The following SIVA1 variants were observed in gnomAD, a reference collection of about 807,000 sequenced individuals.
SIVA1 encodes the protein apoptosis regulatory protein Siva.
A neutral mutation model predicts 19.7 loss-of-function variants in SIVA1; 10 were observed. The ratio of observed to expected loss-of-function variants is 0.51; its 90% CI spans 0.31 to 0.86. The LOEUF (loss-of-function observed/expected upper bound fraction) is 0.86, where lower values mean the gene tolerates loss of function less well. SIVA1 is among the 40% of genes least tolerant of loss of function. SIVA1 has a pLI of 0.04. For synonymous variants in SIVA1, 130 were observed against 106.1 expected (o/e 1.23, Z -1.39); for missense variants, 241 against 245.2 (o/e 0.98, Z 0.11).
chr14:104,756,645 C>A lies in SIVA1; in HGVS notation c.355C>A (p.Arg119=), dbSNP rs550067740. Reference sequence around the variant, plus strand: ...GTCCATTGCCTGTTCCTCATGCGTGCGAGCCGTGGATGGGAAGGCGGTCTG... The same window carrying A: ...GTCCATTGCCTGTTCCTCATGCGTGAGAGCCGTGGATGGGAAGGCGGTCTG... ...VASIACSSCV[R]AVDGKAVCGQ... is the part of the protein sequence containing the mutation. The change falls in exon 3 of 4, where the codon CGA becomes AGA. Residue 119 remains arginine (R), a synonymous_variant. Coordinates refer to ENST00000329967, the MANE Select transcript of SIVA1 (RefSeq NM_006427.4). 1 of 1,614,204 alleles carries A rather than the reference C, an allele frequency of 6.2e-7. No individual in the cohort carries two copies. Among genetic ancestry groups the A allele is most frequent in the Non-Finnish European group, 8.5e-7 (1 of 1,180,036 alleles).
intron 3 of SIVA1, chr14:104,757,653 A>C (rs1273581782): frequency 1.3e-5 from 2 of 153,250 alleles, no homozygotes; most frequent in African/African-American, 2.4e-5. Context: ...AATGTGGGAT[A>C]CTCTGTCTTT....
chr14:104,755,537 TG>T (rs1453068164), intron 1 of SIVA1, 92 bp from the exon 2 acceptor site: 1 of 1,146,134 alleles, frequency 8.7e-7, no homozygotes, highest in African/African-American at 1.6e-5. Context: ...AGGAGGACGA[TG>T]GGGTTCATGT....
At chr14:104,756,047 A>G (rs1891876671) in intron 2 of SIVA1, 1 of 668,528 alleles carries the variant, frequency 1.5e-6, no homozygotes, top group Non-Finnish European at 2.7e-6. Context: ...AAAGCAGCAG[A>G]GACTCCCCGG....
chr14:104,756,782 G>T (rs757148388), intron 3 of SIVA1, 22 bp downstream of exon 3: 11 of 1,593,436 alleles, frequency 6.9e-6, no homozygotes, highest in Non-Finnish European at 9.4e-6. Flanking sequence ...AGTCCCTGGA[G>T]CTGCTGAGAT....
chr14:104,753,738 A>G, intron 1 of SIVA1: 2 of 452,736 alleles, frequency 4.4e-6, no homozygotes, highest in South Asian at 3.1e-5. Flanking sequence ...CCCAAGAGGT[A>G]TTCATGGAGC....
intron 1 of SIVA1, among the ~76,000 whole-genome samples, chr14:104,754,670 A>G (rs975108639): frequency 2.6e-5 from 4 of 152,144 alleles, no homozygotes; most frequent in African/African-American, 9.7e-5. Context: ...TCCAAATTCC[A>G]GGCCACAGCT....
At chr14:104,755,110 C>G (rs1891840475) in intron 1 of SIVA1, among the ~76,000 whole-genome samples, 1 of 152,182 alleles carries the variant, frequency 6.6e-6, no homozygotes, top group Non-Finnish European at 1.5e-5. Flanking sequence ...AACTCTGTAG[C>G]AGGTGAAGGG....
rs1032294130 is a variant in SIVA1, at chr14:104,759,466, G to A, written c.509G>A (p.Cys170Tyr). 1 of 1,612,290 alleles carries A rather than the reference G, an allele frequency of 6.2e-7. No individual in the cohort carries two copies. Among genetic ancestry groups the A allele is most frequent in the Non-Finnish European group, 8.5e-7 (1 of 1,179,918 alleles). ...DMYEKVLCTS[C>Y]AMFET ...TACGAGAAAGTGCTGTGCACCAGCT[G>A]TGCCATGTTCGAGACCTGAGGCTGG... is the stretch of plus-strand genomic sequence containing the variant. The change falls in exon 4 of 4, where the codon TGT (cysteine) becomes TAT (tyrosine). Residue 170 changes from cysteine (C) to tyrosine (Y), a missense_variant. Coordinates refer to ENST00000329967, the MANE Select transcript of SIVA1 (RefSeq NM_006427.4). This position sits in a 1 kb window ranked among gnomAD's most constrained non-coding sequence, Gnocchi z 4.2.
chr14:104,757,078 C>T (rs1891916858), intron 3 of SIVA1: 1 of 426,856 alleles, frequency 2.3e-6, no homozygotes, highest in East Asian at 5.0e-5. Context: ...GCCCCCCCTC[C>T]CCCCGTCCGA....
chr14:104,753,468 A>G, intron 1 of SIVA1, 149 bp downstream of exon 1: 1 of 583,972 alleles, frequency 1.7e-6, no homozygotes, highest in Non-Finnish European at 2.9e-6. Flanking sequence ...GCGGGGACAC[A>G]AGCTGGCCAC....
intron 1 of SIVA1, chr14:104,753,710 G>A (rs1306835316): frequency 3.4e-5 from 15 of 435,416 alleles, no homozygotes; most frequent in Non-Finnish European, 4.7e-5. Context: ...GAGTCAACCC[G>A]AAGAGTGCCC....
At position 104,753,250 on chromosome 14, in the gene SIVA1, A is replaced by G; in HGVS notation, c.49A>G (p.Lys17Glu). ...PFADVAPLQL[K>E]VRVSQRELSR... ...CGCGGACGTGGCCCCGCTACAGCTCAAGGTCCGCGTGAGCCAGAGGGAGTT... is the reference window on the plus strand; with the variant it reads ...CGCGGACGTGGCCCCGCTACAGCTCGAGGTCCGCGTGAGCCAGAGGGAGTT... Residue 17 changes from lysine (K) to glutamate (E), a missense_variant, in exon 1 of 4, where the codon AAG becomes GAG. By Grantham distance (56) the Lys-to-Glu change is moderately conservative. Transcript: ENST00000329967. 6.3e-7 allele frequency: 1 copy of G among 1,597,542 alleles called. No homozygotes were observed. Among genetic ancestry groups the G allele is most frequent in the Non-Finnish European group, 8.5e-7 (1 of 1,174,292 alleles).
intron 3 of SIVA1, 141 bp downstream of exon 3, chr14:104,756,901 C>G (rs1891909853): frequency 1.0e-6 from 1 of 974,964 alleles, no homozygotes. Context: ...CCTAACGGGA[C>G]ATGGTGGCAA....
Position 104,753,307 on chromosome 14 carries a change from C to G in SIVA1, c.106C>G (p.Gln36Glu), listed in dbSNP as rs1891768428. The G allele has an allele frequency of 6.3e-7, 1 of 1,598,548 alleles. No individual in the cohort carries two copies. The highest frequency in any genetic ancestry group is 1.4e-5 in the African/African-American group (1 of 73,246). The change falls in exon 1 of 4, where the codon CAG (glutamine) becomes GAG (glutamate). Residue 36 changes from glutamine (Q) to glutamate (E), a missense_variant. Physicochemically the swap from Gln to Glu is conservative, Grantham distance 29 (BLOSUM62 2). Coordinates refer to ENST00000329967, the MANE Select transcript of SIVA1 (RefSeq NM_006427.4). The stretch of plus-strand genomic sequence containing the variant: ...CGGCGTGTGCGCCGAGCGCTACTCG[C>G]AGGAGGTCTTCGGTGAGTGTCGGGC... The part of the protein sequence containing the change: ...SRGVCAERYS[Q>E]EVFEKTKRLL...
intron 2 of SIVA1, chr14:104,756,053 C>T: frequency 1.5e-6 from 1 of 655,672 alleles, no homozygotes; most frequent in Non-Finnish European, 2.8e-6. Context: ...GCAGAGACTC[C>T]CCGGGTATCC....
intron 3 of SIVA1, chr14:104,757,357 CAT>C (rs143402483): frequency 0.17 from 68,556 of 396,650 alleles, 6,575 homozygotes; most frequent in Admixed American, 0.21. Flanking sequence ...CATCCAGACA[CAT>C]GTGGAACTGG....
Position 104,759,529 on chromosome 14 carries a change from A to C in SIVA1, c.*44A>C. ...GCCTTCACCGGGAGCCACGCCGTGC[A>C]TGGCAGCCTTCCCTGGACGAGCGCT... On this transcript the variant is annotated 3_prime_UTR_variant, in exon 4 of 4. Coordinates refer to ENST00000329967, the MANE Select transcript of SIVA1 (RefSeq NM_006427.4). The surrounding 1 kb of genome is among the most constrained non-coding windows in gnomAD (Gnocchi z 4.2). The C allele has an allele frequency of 6.4e-7, 1 of 1,557,612 alleles. No homozygotes were observed. Among genetic ancestry groups the C allele is most frequent in the Non-Finnish European group, 8.8e-7 (1 of 1,137,988 alleles).
At chr14:104,753,409 G>C in intron 1 of SIVA1, 90 bp downstream of exon 1, 1 of 864,440 alleles carries the variant, frequency 1.2e-6, no homozygotes, top group Non-Finnish European at 1.7e-6. Flanking sequence ...TGAGCGGGGG[G>C]CTGGAGGGCC....
intron 1 of SIVA1, among the ~76,000 whole-genome samples, chr14:104,755,008 C>T (rs1891837521): frequency 6.6e-6 from 1 of 152,224 alleles, no homozygotes; most frequent in Admixed American, 6.5e-5. Context: ...GGTGACTGAA[C>T]TGTGGCCTGA....
Sources: gnomAD v4.1 joint callset for allele counts (sites outside exome capture counted in the v4.1 genomes callset) on GRCh38, gnomAD v4.1.1 for gene constraint, Gnocchi (gnomAD v3.1) non-coding constraint, MANE v1.5 for transcripts, NCBI Gene and HGNC (gene_info 2026-07-23, HGNC 2026-07-21) for gene names.